Variants in PARPBP observed in about 807,000 individuals in gnomAD.
PARPBP encodes PARP1 binding protein.
In PARPBP, 52 loss-of-function variants were observed where a neutral mutation model predicts 50.0. That is an observed-to-expected ratio of 1.04 (90% confidence interval 0.83 to 1.31). The LOEUF is 1.31. Ranked by LOEUF, PARPBP falls within the 50% of genes most tolerant of loss-of-function variation. The pLI, the probability that PARPBP is intolerant of heterozygous loss-of-function variation, is 0.00. For synonymous variants in PARPBP, 244 were observed against 232.1 expected (o/e 1.05, Z -0.47); for missense variants, 697 against 672.0 (o/e 1.04, Z -0.41).
chr12:102,175,519 G>T lies in PARPBP; in HGVS notation c.858G>T (p.Met286Ile). 1 of 1,613,586 alleles carries T rather than the reference G, an allele frequency of 6.2e-7. No individual in the cohort carries two copies. Among genetic ancestry groups the T allele is most frequent in the Non-Finnish European group, 8.5e-7 (1 of 1,179,612 alleles). ...GTCAAATACTGTCAGTGATAAAGAT[G>T]CAACTGATTAAAGGCCAAAACAGCA... is the stretch of plus-strand genomic sequence containing the variant. ...AGGQILSVIK[M>I]QLIKGQNSRD... is the part of the protein sequence containing the mutation. The change falls in exon 7 of 11, where the codon ATG becomes ATT. Residue 286 changes from methionine (M) to isoleucine (I), a missense_variant. Transcript: ENST00000327680.
At chr12:102,147,361 A>G (rs1056719453) in intron 2 of PARPBP, among the ~76,000 whole-genome samples, 2 of 152,128 alleles carry the variant, frequency 1.3e-5, no homozygotes, top group African/African-American at 4.8e-5. Context: ...TGTGGCACAT[A>G]TACACCATGG....
At chr12:102,143,047 A>G (rs1313072588) in intron 2 of PARPBP, among the ~76,000 whole-genome samples, 2 of 152,168 alleles carry the variant, frequency 1.3e-5, no homozygotes, top group Non-Finnish European at 1.5e-5. Flanking sequence ...AGTCTGCAGA[A>G]GTTTCTGCTG....
rs187441419 is a variant in PARPBP, at chr12:102,138,600, G to C, written c.154-9630G>C. On this transcript the variant is annotated intron_variant, in intron 2 of 10. Coordinates refer to ENST00000327680, the MANE Select transcript of PARPBP (RefSeq NM_017915.5). ...TGAATGGTATTGCCTAGGTTTTCTT[G>C]TAGGGTTTTTATGGTTTTAGGTCTA... Among the ~76,000 whole-genome samples the C allele has an allele frequency of 5.4e-3, 829 of 152,186 alleles. 2 individuals are homozygous for C. Among genetic ancestry groups the C allele is most frequent in the Middle Eastern group, 0.027 (8 of 294 alleles).
intron 7 of PARPBP, 121 bp downstream of exon 7, chr12:102,175,787 G>T: frequency 1.7e-6 from 1 of 590,708 alleles, no homozygotes; most frequent in African/African-American, 1.9e-5. Flanking sequence ...GTTCTAAAAT[G>T]ATATTGAAAA....
chr12:102,151,254 A>G (rs1185107406), intron 3 of PARPBP, among the ~76,000 whole-genome samples: 1 of 152,078 alleles, frequency 6.6e-6, no homozygotes, highest in Non-Finnish European at 1.5e-5. Context: ...AAGGCAGTGC[A>G]CCTGCGTGGG....
chr12:102,130,910 T>C (rs1004269512), intron 2 of PARPBP, among the ~76,000 whole-genome samples: 4 of 151,018 alleles, frequency 2.6e-5, no homozygotes, highest in Admixed American at 2.6e-4. Context: ...ACAGACACTT[T>C]TCAAAAGAAG....
chr12:102,145,481 T>A (rs1026403838), intron 2 of PARPBP, among the ~76,000 whole-genome samples: 1 of 152,110 alleles, frequency 6.6e-6, no homozygotes, highest in African/African-American at 2.4e-5. Context: ...AAGGCATCAT[T>A]ATTAATTTCT....
At chr12:102,178,812 T>G in intron 8 of PARPBP, 42 bp downstream of exon 8, 1 of 1,255,446 alleles carries the variant, frequency 8.0e-7, no homozygotes, top group South Asian at 1.8e-5. Flanking sequence ...ATGTTAACTC[T>G]AGAGAATTAT....
At chr12:102,147,291 C>T (rs1885505618) in intron 2 of PARPBP, among the ~76,000 whole-genome samples, 1 of 152,076 alleles carries the variant, frequency 6.6e-6, no homozygotes, top group Non-Finnish European at 1.5e-5. Flanking sequence ...GCACTATTCA[C>T]AATAGCAAAG....
At chr12:102,136,200 T>A (rs1465073614) in intron 2 of PARPBP, among the ~76,000 whole-genome samples, 1 of 152,222 alleles carries the variant, frequency 6.6e-6, no homozygotes, top group Non-Finnish European at 1.5e-5. Context: ...TCTTCTTTGG[T>A]AGTGTGAGGA....
At chr12:102,140,593 T>G (rs1380369980) in intron 2 of PARPBP, among the ~76,000 whole-genome samples, 1 of 152,172 alleles carries the variant, frequency 6.6e-6, no homozygotes, top group Non-Finnish European at 1.5e-5. Flanking sequence ...CGATTTTAGA[T>G]CTTTCCTGCT....
At position 102,178,637 on chromosome 12, in the gene PARPBP, G is replaced by A; in HGVS notation, c.1051G>A (p.Asp351Asn). ...CCATGGTACTGCATACTGTGGCAGA[G>A]ATACTGTGAAAGCCTTATTAGTTCT... ...INHGTAYCGR[D>N]TVKALLVLLD... The change falls in exon 8 of 11, where the codon GAT (aspartate) becomes AAT (asparagine). Residue 351 changes from aspartate (D) to asparagine (N), a missense_variant. By Grantham distance (23) the Asp-to-Asn change is conservative (BLOSUM62 1). Coordinates refer to ENST00000327680, the MANE Select transcript of PARPBP (RefSeq NM_017915.5). 6.2e-7 allele frequency: 1 copy of A among 1,613,396 alleles called. No individual in the cohort carries two copies.
At chr12:102,165,340 A>C (rs545416530) in intron 5 of PARPBP, among the ~76,000 whole-genome samples, 6 of 152,352 alleles carry the variant, frequency 3.9e-5, no homozygotes, top group African/African-American at 1.4e-4. Context: ...TTAACACAAC[A>C]GATCAGCTGA....
intron 2 of PARPBP, among the ~76,000 whole-genome samples, chr12:102,138,204 G>A (rs960268732): frequency 3.3e-5 from 5 of 152,144 alleles, no homozygotes; most frequent in African/African-American, 1.2e-4. Context: ...ATTCTAACTG[G>A]TGTGAGATGG....
intron 2 of PARPBP, among the ~76,000 whole-genome samples, chr12:102,146,265 C>T (rs974925332): frequency 6.6e-6 from 1 of 152,162 alleles, no homozygotes; most frequent in Non-Finnish European, 1.5e-5. Flanking sequence ...CCAAGTCAAT[C>T]CTAAGCCAAA....
intron 4 of PARPBP, among the ~76,000 whole-genome samples, chr12:102,154,312 T>C (rs761093791): frequency 1.1e-4 from 17 of 152,192 alleles, no homozygotes; most frequent in Non-Finnish European, 1.8e-4. Flanking sequence ...CTTGGGAGAA[T>C]ATGCTCAACT....
chr12:102,156,030 G>C (rs147783477), intron 4 of PARPBP, among the ~76,000 whole-genome samples: 3,798 of 152,024 alleles, frequency 0.025, 147 homozygotes, highest in African/African-American at 0.076. Flanking sequence ...CCATTCCTTG[G>C]AATCTGTGAG....
At chr12:102,169,175 A>G (rs1888441235) in intron 6 of PARPBP, among the ~76,000 whole-genome samples, 1 of 152,160 alleles carries the variant, frequency 6.6e-6, no homozygotes, top group African/African-American at 2.4e-5. Context: ...TCTTCTAATT[A>G]TCATAGTCTT....
rs747312058 is a variant in PARPBP, at chr12:102,148,320, A to G, written c.244A>G (p.Met82Val). The G allele has an allele frequency of 1.2e-6, 2 of 1,604,984 alleles. No homozygotes were observed. ...GAAATTGAACTTACCAGTTGAAAAC[A>G]TGGACGTGACTGACCATTATGAGGA... Reference protein sequence around the residue: ...HEKLNLPVENMDVTDHYEDVR... With the variant: ...HEKLNLPVENVDVTDHYEDVR... Residue 82 changes from methionine to valine, a missense_variant, in exon 3 of 11, where the codon ATG becomes GTG. Met to Val is a conservative substitution (Grantham distance 21). Coordinates refer to ENST00000327680, the MANE Select transcript of PARPBP (RefSeq NM_017915.5).
Sources: gnomAD v4.1 joint callset for allele counts (sites outside exome capture counted in the v4.1 genomes callset) on GRCh38, gnomAD v4.1.1 for gene constraint, MANE v1.5 for transcripts, NCBI Gene and HGNC (gene_info 2026-07-23, HGNC 2026-07-21) for gene names.